Variants in NR6A1 observed in about 807,000 individuals in gnomAD.
The protein encoded by NR6A1 is retinoic acid receptor-related testis-associated receptor.
In NR6A1, 7 loss-of-function variants were observed where a neutral mutation model predicts 59.1. That is an observed-to-expected ratio of 0.12 (90% CI 0.07 to 0.22). The LOEUF (loss-of-function observed/expected upper bound fraction) is 0.22, where lower values mean the gene tolerates loss of function less well. Ranked by LOEUF, NR6A1 falls within the 10% of genes least tolerant of loss-of-function variation. NR6A1 has a pLI of 1.00. For missense variants in NR6A1, 468 were observed against 611.6 expected, an observed-to-expected ratio of 0.77 and a Z score of 2.48; for synonymous variants, 243 against 236.1, an observed-to-expected ratio of 1.03 and a Z score of -0.27.
At chr9:124,747,338 T>C (rs573978761) in intron 1 of NR6A1, among the ~76,000 whole-genome samples, 49 of 152,056 alleles carry the variant, frequency 3.2e-4, no homozygotes, top group African/African-American at 1.1e-3. Flanking sequence ...GGGACTACAA[T>C]CATGTGCCAC....
At chr9:124,571,677 G>A (rs1442613248) in intron 2 of NR6A1, among the ~76,000 whole-genome samples, 1 of 152,192 alleles carries the variant, frequency 6.6e-6, no homozygotes, top group African/African-American at 2.4e-5. Flanking sequence ...AAAAGCAAAG[G>A]ATATTTGTCT....
intron 2 of NR6A1, among the ~76,000 whole-genome samples, chr9:124,694,984 T>C (rs897216946): frequency 6.6e-6 from 1 of 152,198 alleles, no homozygotes; most frequent in Admixed American, 6.5e-5. Context: ...GCTTTTAAAA[T>C]GGCAAATTCC....
chr9:124,533,502 G>C (rs1833157685), intron 7 of NR6A1, among the ~76,000 whole-genome samples: 1 of 152,132 alleles, frequency 6.6e-6, no homozygotes, highest in Non-Finnish European at 1.5e-5. Context: ...GCTGTGCAAA[G>C]GGCCCTTGCA....
intron 2 of NR6A1, among the ~76,000 whole-genome samples, chr9:124,701,016 C>T (rs1027623806): frequency 6.6e-6 from 1 of 152,172 alleles, no homozygotes; most frequent in East Asian, 1.9e-4. Flanking sequence ...CCGCCTTGGC[C>T]TCCCAAAGTG....
At chr9:124,609,344 A>G (rs746095627) in intron 2 of NR6A1, among the ~76,000 whole-genome samples, 9 of 152,206 alleles carry the variant, frequency 5.9e-5, no homozygotes, top group Non-Finnish European at 1.2e-4. Context: ...CAGTTCTCCC[A>G]GCATCATTTA....
intron 1 of NR6A1, among the ~76,000 whole-genome samples, chr9:124,736,917 T>C (rs1840036243): frequency 6.6e-6 from 1 of 152,178 alleles, no homozygotes; most frequent in Non-Finnish European, 1.5e-5. Flanking sequence ...GACCTCTATA[T>C]ATGTAAGCTG....
At position 124,733,337 on chromosome 9, in the gene NR6A1, T is replaced by A; in HGVS notation, c.113A>T (p.Asp38Val). ...PPPPRNGFCQ[D>V]ELAELDPGTI... is the part of the protein sequence containing the mutation. The stretch of plus-strand genomic sequence containing the variant: ...GCCTGGGTCAAGCTCTGCCAATTCA[T>A]CCTGACAGAAACCTAAAGAGAAAAC... Residue 38 changes from aspartate (D) to valine (V), a missense_variant, in exon 2 of 10, where the codon GAT (aspartate) becomes GTT (valine). Asp to Val is a radical substitution (Grantham distance 152). Transcript: ENST00000487099. 3 of 1,612,844 alleles carry A rather than the reference T, an allele frequency of 1.9e-6. No individual in the cohort carries two copies. Among genetic ancestry groups the A allele is most frequent in the South Asian group, 1.1e-5 (1 of 91,052 alleles).
chr9:124,676,790 C>T (rs146323364), intron 2 of NR6A1, among the ~76,000 whole-genome samples: 13 of 152,178 alleles, frequency 8.5e-5, no homozygotes, highest in South Asian at 8.3e-4. Context: ...GTAATGTCAC[C>T]GTTTGGGACA....
intron 2 of NR6A1, among the ~76,000 whole-genome samples, chr9:124,716,745 C>T (rs1195997404): frequency 1.3e-5 from 2 of 152,216 alleles, no homozygotes; most frequent in African/African-American, 4.8e-5. Flanking sequence ...AATTCTTGTG[C>T]CACAGCCTCC....
chr9:124,610,864 G>A lies in NR6A1; in HGVS notation c.143-56294C>T, dbSNP rs146759999. Among the ~76,000 whole-genome samples the A allele has an allele frequency of 3.6e-4, 55 of 152,186 alleles. 1 individual carries two copies. The East Asian group carries it at 0.01, about 29-fold the overall frequency. On this transcript the variant is annotated intron_variant, in intron 2 of 9. Coordinates refer to ENST00000487099, the MANE Select transcript of NR6A1 (RefSeq NM_033334.4). Reference sequence around the variant, plus strand: ...GTGTCCAGGAATTTATCCATTTCTAGATTTTCTAGTTTACTTGCATAGAGG... The same window carrying A: ...GTGTCCAGGAATTTATCCATTTCTAAATTTTCTAGTTTACTTGCATAGAGG...
At chr9:124,651,390 G>C (rs1837100382) in intron 2 of NR6A1, among the ~76,000 whole-genome samples, 2 of 152,122 alleles carry the variant, frequency 1.3e-5, no homozygotes, top group African/African-American at 4.8e-5. Flanking sequence ...TTTTATCTCA[G>C]CCAAAAATTG....
intron 2 of NR6A1, among the ~76,000 whole-genome samples, chr9:124,608,925 G>A (rs1467687862): frequency 6.6e-6 from 1 of 152,082 alleles, no homozygotes; most frequent in Non-Finnish European, 1.5e-5. Context: ...TATGTTTGTT[G>A]GCTACATAAA....
At chr9:124,687,291 A>ATTAATTAATTATTTATTTATTTATTTAT (rs59770058) in intron 2 of NR6A1, among the ~76,000 whole-genome samples, 26 of 142,170 alleles carry the variant, frequency 1.8e-4, no homozygotes, top group East Asian at 1.2e-3. Flanking sequence ...CAGCTAATTA[A>ATTAATTAATTATTTATTTATTTATTTAT]TTATTTATTT....
rs1832779015 is a variant in NR6A1 at position 124,520,535 on chromosome 9, C to T, written c.*2170G>A. The T allele has an allele frequency of 1.3e-5, 2 of 152,284 alleles. No homozygotes were observed. The highest frequency in any genetic ancestry group is 4.1e-4 in the South Asian group (2 of 4,822). 9.4% of individuals were successfully genotyped at this position (152,284 alleles called of 1,614,324 possible). ...ATCAGAGAGCAATTTCTTTTGACAC[C>T]CAACACAACGGGTAAAATGTTTAAT... On this transcript the variant is annotated 3_prime_UTR_variant, in exon 10 of 10. Coordinates refer to ENST00000487099, the MANE Select transcript of NR6A1 (RefSeq NM_033334.4).
chr9:124,606,903 T>C (rs1367597763), intron 2 of NR6A1, among the ~76,000 whole-genome samples: 3 of 152,208 alleles, frequency 2.0e-5, no homozygotes, highest in African/African-American at 7.2e-5. Context: ...TCCCTTTCTG[T>C]GTATATTCAC....
intron 2 of NR6A1, among the ~76,000 whole-genome samples, chr9:124,558,284 A>G (rs973594875): frequency 2.0e-5 from 3 of 152,182 alleles, no homozygotes; most frequent in Admixed American, 6.5e-5. Context: ...CCACACTGAG[A>G]TCAAAGACTA....
intron 2 of NR6A1, among the ~76,000 whole-genome samples, chr9:124,719,417 C>T (rs189715479): frequency 3.2e-4 from 49 of 152,248 alleles, no homozygotes; most frequent in South Asian, 1.2e-3. Flanking sequence ...ACTGCCAAGT[C>T]TGAAAAATTA....
chr9:124,551,147 A>G lies in NR6A1; in HGVS notation c.385+3181T>C, dbSNP rs531915263. Among the ~76,000 whole-genome samples the G allele has an allele frequency of 1.1e-3, 175 of 152,184 alleles. 1 individual carries two copies. Among genetic ancestry groups the G allele is most frequent in the African/African-American group, 3.8e-3 (158 of 41,516 alleles). ...AGCCTTGGAATCAACCAGTTTTCCA[A>G]TGAGTCCTCATTCCTTTCATTGATA... On this transcript the variant is annotated intron_variant, in intron 3 of 9. Coordinates refer to ENST00000487099, the MANE Select transcript of NR6A1 (RefSeq NM_033334.4).
At chr9:124,684,408 G>C (rs1365509553) in intron 2 of NR6A1, among the ~76,000 whole-genome samples, 3 of 152,182 alleles carry the variant, frequency 2.0e-5, no homozygotes, top group Non-Finnish European at 4.4e-5. Flanking sequence ...ACATGTGTCA[G>C]CCCTTGATTC....
Sources: allele counts gnomAD v4.1 joint callset (sites outside exome capture counted in the v4.1 genomes callset), GRCh38; gene constraint gnomAD v4.1.1; transcripts MANE v1.5; gene names NCBI Gene and HGNC (gene_info 2026-07-23, HGNC 2026-07-21).